The following RERE variants were observed in gnomAD, a reference collection of about 807,000 sequenced individuals.
RERE encodes the protein arginine-glutamic acid dipeptide repeats, also known as arginine-glutamic acid dipeptide repeats protein.
In RERE, 40 loss-of-function variants were observed where a neutral mutation model predicts 146.1. The observed-to-expected ratio is 0.27, with a 90% CI of 0.21 to 0.36. The LOEUF is 0.36. Among genes scored for constraint, RERE ranks in the 10% least tolerant of loss-of-function variants. RERE has a pLI of 1.00. For missense variants in RERE, 1,933 were observed against 2,138.7 expected (o/e 0.90, Z 1.90); for synonymous variants, 1,003 against 866.0 (o/e 1.16, Z -2.78).
intron 1 of RERE, among the ~76,000 whole-genome samples, chr1:8,736,985 A>C (rs1270607446): frequency 2.6e-5 from 4 of 152,302 alleles, no homozygotes; most frequent in Non-Finnish European, 4.4e-5. Context: ...CTTTCTGAAA[A>C]AAACAAATGA....
intron 1 of RERE, among the ~76,000 whole-genome samples, chr1:8,757,625 T>TTGAGG (rs978781478): frequency 6.6e-6 from 1 of 151,990 alleles, no homozygotes; most frequent in Non-Finnish European, 1.5e-5. Context: ...AACATTGTAG[T>TTGAGG]TAAGAGAGCT....
At chr1:8,510,608 C>G (rs74050216) in intron 7 of RERE, among the ~76,000 whole-genome samples, 1 of 152,200 alleles carries the variant, frequency 6.6e-6, no homozygotes. Context: ...GAAAAACAAG[C>G]AAGCAGTCAG....
At position 8,469,858 on chromosome 1, in the gene RERE, T is replaced by C. The variant is rs556729512; in HGVS notation, c.1105-3835A>G. On this transcript the variant is annotated intron_variant, in intron 10 of 22. Transcript: ENST00000400908. ...GAACATCTCGTTGTGGTTGTTCCGTTTGTTAGAGAGCATGGCTGCAGCCTG... is the reference window on the plus strand; with the variant it reads ...GAACATCTCGTTGTGGTTGTTCCGTCTGTTAGAGAGCATGGCTGCAGCCTG... Among the ~76,000 whole-genome samples the C allele has an allele frequency of 3.3e-5, 5 of 152,214 alleles. No individual in the cohort carries two copies. The East Asian group carries it at 5.8e-4, about 18-fold the overall frequency.
Position 8,732,808 on chromosome 1 carries a change from C to CTTTTTT in RERE, c.-144-76373_-144-76368dup, listed in dbSNP as rs59337140. Among the ~76,000 whole-genome samples the CTTTTTT allele has an allele frequency of 7.5e-3, 493 of 65,680 alleles. 2 individuals are homozygous for CTTTTTT. The highest frequency in any genetic ancestry group is 0.016 in the Middle Eastern group (1 of 64). 43.1% of individuals were successfully genotyped at this position (65,680 alleles called of 152,430 possible). ...ACTATCTGCCCAATTTTCAATTTTTCTTTTTTTTTTTTTTTTTTTTTTTTT... is the reference window on the plus strand; with the variant it reads ...ACTATCTGCCCAATTTTCAATTTTTCTTTTTTTTTTTTTTTTTTTTTTTTTTTTTTT... On this transcript the variant is annotated intron_variant, in intron 1 of 22. Coordinates refer to ENST00000400908, the MANE Select transcript of RERE (RefSeq NM_001042681.2).
intron 11 of RERE, among the ~76,000 whole-genome samples, chr1:8,464,764 C>T (rs1644574764): frequency 6.6e-6 from 1 of 152,154 alleles, no homozygotes; most frequent in Non-Finnish European, 1.5e-5. Flanking sequence ...CCTGATCCTC[C>T]CTTAGCTAAG....
chr1:8,733,795 T>C (rs1640140597), intron 1 of RERE, among the ~76,000 whole-genome samples: 1 of 152,206 alleles, frequency 6.6e-6, no homozygotes, highest in African/African-American at 2.4e-5. Flanking sequence ...TTGTTACATA[T>C]ATCATATAGG....
chr1:8,792,925 G>A (rs569823820), intron 1 of RERE, among the ~76,000 whole-genome samples: 47 of 152,196 alleles, frequency 3.1e-4, no homozygotes, highest in African/African-American at 1.1e-3. Flanking sequence ...GGGAGGCCGA[G>A]GTGGGCGGAT....
intron 10 of RERE, among the ~76,000 whole-genome samples, chr1:8,478,586 C>T (rs1010853574): frequency 1.5e-4 from 23 of 152,088 alleles, no homozygotes; most frequent in Non-Finnish European, 2.9e-4. Flanking sequence ...GGGAAACATC[C>T]AAGATTCTGG....
At position 8,813,905 on chromosome 1, in the gene RERE, G is replaced by A. The variant is rs750852158; in HGVS notation, c.-145+3255C>T. Among the ~76,000 whole-genome samples, 48 of 152,264 alleles carry A rather than the reference G, an allele frequency of 3.2e-4. 1 individual carries two copies. Among genetic ancestry groups the A allele is most frequent in the Admixed American group, 7.8e-4 (12 of 15,304 alleles). On this transcript the variant is annotated intron_variant, in intron 1 of 22. Transcript: ENST00000400908. ...GCTGGGATTACAGGCGTGAGCCACCGCACTAGGCCTTACTGTCCTATTTTT... is the reference window on the plus strand; with the variant it reads ...GCTGGGATTACAGGCGTGAGCCACCACACTAGGCCTTACTGTCCTATTTTT...
At chr1:8,752,869 T>C (rs1640566318) in intron 1 of RERE, among the ~76,000 whole-genome samples, 1 of 152,172 alleles carries the variant, frequency 6.6e-6, no homozygotes, top group Admixed American at 6.5e-5. Context: ...AATATTTTAA[T>C]CAAAGTTCTA....
chr1:8,494,960 G>A (rs1645026899), intron 10 of RERE, 103 bp downstream of exon 10: 3 of 831,426 alleles, frequency 3.6e-6, no homozygotes, highest in Non-Finnish European at 6.2e-6. Flanking sequence ...TCACTCCTGA[G>A]TCTACAGGCG....
chr1:8,641,348 C>T (rs1647174372), intron 2 of RERE, among the ~76,000 whole-genome samples: 4 of 152,266 alleles, frequency 2.6e-5, no homozygotes, highest in South Asian at 4.1e-4. Flanking sequence ...AGTAAGGCAT[C>T]TATGTATAAT....
chr1:8,667,299 T>C (rs1638598549), intron 1 of RERE, among the ~76,000 whole-genome samples: 1 of 152,222 alleles, frequency 6.6e-6, no homozygotes, highest in Non-Finnish European at 1.5e-5. Context: ...ATAATCTTTA[T>C]TATTTGAAGC....
intron 11 of RERE, among the ~76,000 whole-genome samples, chr1:8,438,087 C>T (rs1046942239): frequency 6.6e-6 from 1 of 152,180 alleles, no homozygotes; most frequent in African/African-American, 2.4e-5. Flanking sequence ...CTCAAATGAT[C>T]CTCCTGGCTC....
In RERE at chr1:8,365,873, A is replaced by G; in HGVS notation, c.1386T>C (p.Ile462=). 1 of 1,614,140 alleles carries G rather than the reference A, an allele frequency of 6.2e-7. No individual in the cohort carries two copies. Among genetic ancestry groups the G allele is most frequent in the Non-Finnish European group, 8.5e-7 (1 of 1,180,022 alleles). The change falls in exon 13 of 23, where the codon ATT becomes ATC. Residue 462 remains isoleucine, a synonymous_variant. Coordinates refer to ENST00000400908, the MANE Select transcript of RERE (RefSeq NM_001042681.2). ...CGGGTGTGGACGCGGTGCGAGTCTTAATCCTCCTGAACACGGCCTGCCTGC... is the reference window on the plus strand; with the variant it reads ...CGGGTGTGGACGCGGTGCGAGTCTTGATCCTCCTGAACACGGCCTGCCTGC... The part of the protein sequence containing the change: ...RHRRQAVFRR[I]KTRTASTPVN...
At chr1:8,815,211 C>T (rs1183863137) in intron 1 of RERE, among the ~76,000 whole-genome samples, 2 of 152,194 alleles carry the variant, frequency 1.3e-5, no homozygotes, top group Non-Finnish European at 2.9e-5. Context: ...AAAACCAGAT[C>T]TTTTCTTATA....
At chr1:8,575,561 A>ATATATATATATATT (rs1337650659) in intron 4 of RERE, among the ~76,000 whole-genome samples, 4 of 98,676 alleles carry the variant, frequency 4.1e-5, no homozygotes, top group African/African-American at 1.4e-4. Flanking sequence ...ATATATATAT[A>ATATATATATATATT]TTTTTTTTTT....
intron 2 of RERE, among the ~76,000 whole-genome samples, chr1:8,633,572 A>G (rs2124258744): frequency 6.6e-6 from 1 of 152,300 alleles, no homozygotes; most frequent in African/African-American, 2.4e-5. Flanking sequence ...AAGAGGAAAC[A>G]TCCACACAGC....
chr1:8,401,642 C>A (rs974034267), intron 12 of RERE, among the ~76,000 whole-genome samples: 1 of 151,740 alleles, frequency 6.6e-6, no homozygotes, highest in African/African-American at 2.4e-5. Flanking sequence ...CACCTGCAGT[C>A]CCAGCTACTC....
Sources: allele counts gnomAD v4.1 joint callset (sites outside exome capture counted in the v4.1 genomes callset), GRCh38; gene constraint gnomAD v4.1.1; transcripts MANE v1.5; gene names NCBI Gene and HGNC (gene_info 2026-07-23, HGNC 2026-07-21).